The following TMTC2 variants were observed in gnomAD, a reference collection of about 807,000 sequenced individuals.
TMTC2 encodes the protein transmembrane O-mannosyltransferase targeting cadherins 2, also known as protein O-mannosyl-transferase TMTC2.
TMTC2 carries 43 observed loss-of-function variants against 82.4 expected under a neutral mutation model. The ratio of observed to expected loss-of-function variants is 0.52; its 90% CI spans 0.41 to 0.67. The LOEUF (loss-of-function observed/expected upper bound fraction) is 0.67, where lower values mean the gene tolerates loss of function less well. TMTC2 is among the 30% of genes least tolerant of loss of function. The pLI, the probability that TMTC2 is intolerant of heterozygous loss-of-function variation, is 0.00. For missense variants in TMTC2, 919 were observed against 1,012.4 expected (o/e 0.91, Z 1.25); for synonymous variants, 408 against 381.9 (o/e 1.07, Z -0.80).
chr12:82,777,186 ATT>A (rs1565745946), intron 1 of TMTC2, among the ~76,000 whole-genome samples: 1 of 152,098 alleles, frequency 6.6e-6, no homozygotes, highest in African/African-American at 2.4e-5. Flanking sequence ...TTTATCATTT[ATT>A]GTCCAAGCCA....
chr12:82,710,532 G>A (rs980944499), intron 1 of TMTC2, among the ~76,000 whole-genome samples: 2 of 152,184 alleles, frequency 1.3e-5, no homozygotes, highest in African/African-American at 4.8e-5. Flanking sequence ...CTAGTTACCT[G>A]TTGGATACTT....
intron 9 of TMTC2, among the ~76,000 whole-genome samples, chr12:83,040,228 C>G (rs1054379813): frequency 6.6e-6 from 1 of 152,192 alleles, no homozygotes; most frequent in Non-Finnish European, 1.5e-5. Flanking sequence ...TTCTGACACC[C>G]CAGCTCACAA....
chr12:82,693,149 A>G (rs930985601), intron 1 of TMTC2, among the ~76,000 whole-genome samples: 1 of 152,220 alleles, frequency 6.6e-6, no homozygotes, highest in East Asian at 1.9e-4. Flanking sequence ...TGAGAGTCTA[A>G]TGATAGATCT....
chr12:82,729,270 G>T (rs985721941), intron 1 of TMTC2, among the ~76,000 whole-genome samples: 22 of 152,184 alleles, frequency 1.4e-4, no homozygotes, highest in African/African-American at 3.9e-4. Flanking sequence ...CTACCTCAAG[G>T]TTTGTAAACA....
chr12:82,940,297 G>C (rs1387711678), intron 4 of TMTC2, among the ~76,000 whole-genome samples: 1 of 151,842 alleles, frequency 6.6e-6, no homozygotes, highest in Non-Finnish European at 1.5e-5. Context: ...GATTACAGGC[G>C]TGAACCACCG....
chr12:82,839,227 G>A (rs888314304), intron 1 of TMTC2, among the ~76,000 whole-genome samples: 13 of 152,178 alleles, frequency 8.5e-5, no homozygotes, highest in Non-Finnish European at 1.8e-4. Flanking sequence ...TGCCCTCAGA[G>A]GGGAAACCAT....
At chr12:82,692,909 G>A (rs796474396) in intron 1 of TMTC2, among the ~76,000 whole-genome samples, 3 of 152,180 alleles carry the variant, frequency 2.0e-5, no homozygotes, top group Non-Finnish European at 4.4e-5. Flanking sequence ...AATTGCTGGT[G>A]TAATTACATA....
intron 11 of TMTC2, among the ~76,000 whole-genome samples, chr12:83,120,192 C>T (rs1448373855): frequency 6.6e-6 from 1 of 152,076 alleles, no homozygotes; most frequent in Non-Finnish European, 1.5e-5. Flanking sequence ...TGCCTGCGTA[C>T]TTTGTTTTTG....
chr12:83,034,327 A>G (rs1881576847), intron 9 of TMTC2, among the ~76,000 whole-genome samples: 1 of 152,216 alleles, frequency 6.6e-6, no homozygotes, highest in African/African-American at 2.4e-5. Context: ...GAGAAAGTTC[A>G]AAGGTCCAAG....
chr12:83,082,736 C>T (rs1422754370), intron 11 of TMTC2, among the ~76,000 whole-genome samples: 1 of 152,220 alleles, frequency 6.6e-6, no homozygotes, highest in African/African-American at 2.4e-5. Flanking sequence ...CCCAGCATAA[C>T]ACTTCACAAA....
rs533831869 is a variant in TMTC2, at chr12:83,119,382, T to C, written c.2332-12828T>C. On this transcript the variant is annotated intron_variant, in intron 11 of 11. Coordinates refer to ENST00000321196, the MANE Select transcript of TMTC2 (RefSeq NM_152588.3). ...AGTTCGAAGAATTTTTAAATTTTTA[T>C]CTTTATTTCATTTTTAACTCAATCA... Among the ~76,000 whole-genome samples, 8 of 152,328 alleles carry C rather than the reference T, an allele frequency of 5.3e-5. No individual in the cohort carries two copies. In the South Asian group the frequency reaches 1.5e-3, roughly 28 times the overall value.
intron 1 of TMTC2, among the ~76,000 whole-genome samples, chr12:82,852,225 C>T (rs1871015163): frequency 6.6e-6 from 1 of 151,862 alleles, no homozygotes; most frequent in South Asian, 2.1e-4. Context: ...CCTCAGCCTC[C>T]CGAGTAGCTG....
At chr12:82,799,437 A>G (rs767706571) in intron 1 of TMTC2, among the ~76,000 whole-genome samples, 44 of 152,174 alleles carry the variant, frequency 2.9e-4, no homozygotes, top group Non-Finnish European at 4.1e-4. Context: ...TGTAAGTCAC[A>G]TATCTCTGAG....
At chr12:82,728,923 C>T (rs560278396) in intron 1 of TMTC2, among the ~76,000 whole-genome samples, 11 of 152,356 alleles carry the variant, frequency 7.2e-5, no homozygotes, top group Non-Finnish European at 1.6e-4. Context: ...CCAGCAGCTG[C>T]GCTGGACTTC....
At chr12:82,878,407 G>A (rs1872681931) in intron 2 of TMTC2, among the ~76,000 whole-genome samples, 1 of 152,188 alleles carries the variant, frequency 6.6e-6, no homozygotes, top group South Asian at 2.1e-4. Flanking sequence ...CTTTGAGAAA[G>A]CAGGGATTAA....
chr12:82,737,719 T>C (rs550621658), intron 1 of TMTC2, among the ~76,000 whole-genome samples: 1 of 152,316 alleles, frequency 6.6e-6, no homozygotes, highest in East Asian at 1.9e-4. Flanking sequence ...TTTGATTGTT[T>C]ATACAGGAAT....
In TMTC2 at chr12:82,765,698, A is replaced by AAAAC. The variant is rs139130701; in HGVS notation, c.83+78045_83+78048dup. ...TCGAAAAAACAAAACAAAACAAAAC[A>AAAAC]AAACAAACAAACAAACAAAAAAAAA... On this transcript the variant is annotated intron_variant, in intron 1 of 11. Coordinates refer to ENST00000321196, the MANE Select transcript of TMTC2 (RefSeq NM_152588.3). Among the ~76,000 whole-genome samples the AAAAC allele has an allele frequency of 2.6e-4, 38 of 146,798 alleles. No individual in the cohort carries two copies. In the South Asian group the frequency reaches 3.9e-3, roughly 15 times the overall value.
At chr12:82,922,378 G>T (rs896750754) in intron 3 of TMTC2, among the ~76,000 whole-genome samples, 1 of 152,112 alleles carries the variant, frequency 6.6e-6, no homozygotes, top group African/African-American at 2.4e-5. Flanking sequence ...TAAAAAAAAG[G>T]TTAAGTGTAT....
intron 3 of TMTC2, among the ~76,000 whole-genome samples, chr12:82,912,899 A>G (rs2137212768): frequency 6.8e-6 from 1 of 147,672 alleles, no homozygotes; most frequent in South Asian, 2.2e-4. Flanking sequence ...TGGTCACGCC[A>G]CTGCACTCCA....
Sources: gnomAD v4.1 joint callset for allele counts (sites outside exome capture counted in the v4.1 genomes callset) on GRCh38, gnomAD v4.1.1 for gene constraint, MANE v1.5 for transcripts, NCBI Gene and HGNC (gene_info 2026-07-23, HGNC 2026-07-21) for gene names.